KDM4C: variants seen among roughly 807,000 people sequenced by gnomAD.
KDM4C encodes lysine demethylase 4C.
Under a neutral mutation model 129.3 loss-of-function variants are expected in KDM4C, and 81 were observed. The observed-to-expected ratio is 0.63, with a 90% CI of 0.52 to 0.75. The LOEUF is 0.75. Among genes scored for constraint, KDM4C ranks in the 30% least tolerant of loss-of-function variants. The pLI, the probability that KDM4C is intolerant of heterozygous loss-of-function variation, is 0.00. For missense variants in KDM4C, 1,457 were observed against 1,304.0 expected, an observed-to-expected ratio of 1.12 and a Z score of -1.81; for synonymous variants, 573 against 456.1, an observed-to-expected ratio of 1.26 and a Z score of -3.26.
At chr9:7,118,528 A>G (rs928660152) in intron 18 of KDM4C, among the ~76,000 whole-genome samples, 2 of 152,206 alleles carry the variant, frequency 1.3e-5, no homozygotes, top group African/African-American at 4.8e-5. Flanking sequence ...ATTTATTGCA[A>G]TCCTTGTAGA....
intron 12 of KDM4C, among the ~76,000 whole-genome samples, chr9:7,002,158 G>T (rs1226552589): frequency 6.6e-6 from 1 of 152,178 alleles, no homozygotes; most frequent in Non-Finnish European, 1.5e-5. Context: ...CTCCCAAAAT[G>T]CTGGGATTAC....
intron 18 of KDM4C, among the ~76,000 whole-genome samples, chr9:7,124,297 T>G (rs10976051): frequency 0.24 from 37,226 of 152,210 alleles, 4,714 homozygotes; most frequent in East Asian, 0.46. Context: ...AATACAATGC[T>G]TGTAATGCTG....
At chr9:7,119,399 G>A (rs1301230436) in intron 18 of KDM4C, among the ~76,000 whole-genome samples, 3 of 152,130 alleles carry the variant, frequency 2.0e-5, no homozygotes, top group Admixed American at 6.6e-5. Flanking sequence ...AAATTTAACA[G>A]TTCTGTCAAT....
upstream of KDM4C, among the ~76,000 whole-genome samples, chr9:6,756,143 C>G (rs771262706): frequency 9.9e-5 from 15 of 152,174 alleles, no homozygotes; most frequent in Admixed American, 5.9e-4. Flanking sequence ...AAGACCCTAG[C>G]TGCTTGATTG....
chr9:7,083,854 ACT>A (rs1221275380), intron 17 of KDM4C, among the ~76,000 whole-genome samples: 1 of 151,794 alleles, frequency 6.6e-6, no homozygotes, highest in Non-Finnish European at 1.5e-5. Flanking sequence ...GTCCACTGTA[ACT>A]CTGTGAGAAT....
chr9:6,800,414 C>G (rs1258148403), intron 2 of KDM4C, among the ~76,000 whole-genome samples: 1 of 151,734 alleles, frequency 6.6e-6, no homozygotes, highest in Non-Finnish European at 1.5e-5. Context: ...GAGCATGTGC[C>G]TGTAGTCCTA....
chr9:7,145,877 C>T (rs10739119), intron 19 of KDM4C, among the ~76,000 whole-genome samples: 129,051 of 152,266 alleles, frequency 0.85, 55,072 homozygotes, highest in African/African-American at 0.93. Context: ...GAAAGTGGTT[C>T]CTGAATGCTC....
At chr9:6,764,092 A>T (rs1468939480) in intron 1 of KDM4C, among the ~76,000 whole-genome samples, 1 of 152,178 alleles carries the variant, frequency 6.6e-6, no homozygotes, top group African/African-American at 2.4e-5. Flanking sequence ...GTTTTGTTTT[A>T]ATAACTTAGA....
rs112670518 is a variant in KDM4C at position 7,022,831 on chromosome 9, C to T, written c.2259+6902C>T. Among the ~76,000 whole-genome samples, 523 of 151,980 alleles carry T rather than the reference C, an allele frequency of 3.4e-3. 4 individuals carry two copies. Among genetic ancestry groups the T allele is most frequent in the African/African-American group, 0.012 (492 of 41,460 alleles). On this transcript the variant is annotated intron_variant, in intron 15 of 21. Coordinates refer to ENST00000381309, the MANE Select transcript of KDM4C (RefSeq NM_015061.6). ...TGTGTTGTGGTATGTACCTTCTGTA[C>T]CCAGTTTTTTGAGGGTTTTCATGAA...
rs756947110 is a variant in KDM4C, at chr9:6,986,463, A to C, written c.1474A>C (p.Ser492Arg). 3.1e-6 allele frequency: 5 copies of C among 1,614,144 alleles called. No homozygotes were observed. In the South Asian group the frequency reaches 5.5e-5, roughly 18 times the overall value. Residue 492 changes from serine (S) to arginine (R), a missense_variant, in exon 11 of 22, where the codon AGT (serine) becomes CGT (arginine). Coordinates refer to ENST00000381309, the MANE Select transcript of KDM4C (RefSeq NM_015061.6). Reference sequence around the variant, plus strand: ...GGCTGATGATTCCATTCCATTGTCTAGTGGCTATGAGAAGCCCGAGAAATC... The same window carrying C: ...GGCTGATGATTCCATTCCATTGTCTCGTGGCTATGAGAAGCCCGAGAAATC... ...SEADDSIPLS[S>R]GYEKPEKSDP...
At chr9:7,006,232 C>T (rs1430264499) in intron 12 of KDM4C, among the ~76,000 whole-genome samples, 1 of 152,160 alleles carries the variant, frequency 6.6e-6, no homozygotes, top group African/African-American at 2.4e-5. Context: ...AAGTGAATTT[C>T]AGCAAGCCTG....
chr9:6,868,830 G>C (rs896343561), intron 5 of KDM4C, among the ~76,000 whole-genome samples: 1 of 151,916 alleles, frequency 6.6e-6, no homozygotes, highest in Non-Finnish European at 1.5e-5. Context: ...GGTCAGGAAA[G>C]CTTTTTAAAA....
intron 8 of KDM4C, among the ~76,000 whole-genome samples, chr9:6,899,545 GT>G (rs1463336914): frequency 6.7e-6 from 1 of 149,250 alleles, no homozygotes; most frequent in Non-Finnish European, 1.5e-5. Flanking sequence ...CCATGGGGGT[GT>G]GTGTGTGTGT....
At chr9:7,155,391 G>A (rs1449123438) in intron 19 of KDM4C, among the ~76,000 whole-genome samples, 1 of 151,780 alleles carries the variant, frequency 6.6e-6, no homozygotes, top group Non-Finnish European at 1.5e-5. Flanking sequence ...AAGTTCTAGG[G>A]TACATGTGCA....
chr9:6,957,387 G>C (rs947827043), intron 8 of KDM4C, among the ~76,000 whole-genome samples: 2 of 152,076 alleles, frequency 1.3e-5, no homozygotes, highest in Non-Finnish European at 2.9e-5. Context: ...TTTTATGAGG[G>C]TTTTTGGCAT....
chr9:7,149,335 A>G (rs1842515497), intron 19 of KDM4C, among the ~76,000 whole-genome samples: 1 of 152,196 alleles, frequency 6.6e-6, no homozygotes, highest in African/African-American at 2.4e-5. Flanking sequence ...AGGAGCGGGG[A>G]GAAGCCAGGG....
chr9:7,038,476 C>T (rs962348837), intron 15 of KDM4C, among the ~76,000 whole-genome samples: 11 of 152,030 alleles, frequency 7.2e-5, no homozygotes, highest in Non-Finnish European at 7.4e-5. Context: ...TTCTTAGTAT[C>T]CCAGTGGCTG....
chr9:6,722,517 ATT>A (rs71315551), intron 1 of KDM4C, among the ~76,000 whole-genome samples: 1 of 134,622 alleles, frequency 7.4e-6, no homozygotes, highest in African/African-American at 2.5e-5. Flanking sequence ...ATGTCTATAT[ATT>A]TTTTTTTTTT....
At chr9:7,011,931 C>A in intron 13 of KDM4C, 52 bp downstream of exon 13, 1 of 1,425,250 alleles carries the variant, frequency 7.0e-7, no homozygotes, top group Non-Finnish European at 9.8e-7. Context: ...TTCCATGTGA[C>A]CACATACCAC....
Sources: allele counts gnomAD v4.1 joint callset (sites outside exome capture counted in the v4.1 genomes callset), GRCh38; gene constraint gnomAD v4.1.1; transcripts MANE v1.5; gene names NCBI Gene and HGNC (gene_info 2026-07-23, HGNC 2026-07-21).